The following CARMIL1 variants were observed in gnomAD, a reference collection of about 807,000 sequenced individuals.
CARMIL1 encodes the protein F-actin-uncapping protein LRRC16A.
A neutral mutation model predicts 177.1 loss-of-function variants in CARMIL1; 90 were observed. The ratio of observed to expected loss-of-function variants is 0.51; its 90% CI spans 0.43 to 0.61. CARMIL1 has a LOEUF of 0.61. Ranked by LOEUF, CARMIL1 falls within the 20% of genes least tolerant of loss-of-function variation. The pLI, the probability that CARMIL1 is intolerant of heterozygous loss-of-function variation, is 0.00. For missense variants in CARMIL1, 1,380 were observed against 1,667.0 expected (o/e 0.83, Z 3.00); for synonymous variants, 577 against 606.2 (o/e 0.95, Z 0.71).
intron 3 of CARMIL1, among the ~76,000 whole-genome samples, chr6:25,424,929 A>G (rs1796157083): frequency 6.6e-6 from 1 of 152,242 alleles, no homozygotes; most frequent in Non-Finnish European, 1.5e-5. Context: ...CTTAACTCAA[A>G]GAAAAACTTT....
intron 29 of CARMIL1, among the ~76,000 whole-genome samples, chr6:25,574,271 C>T (rs545493623): frequency 1.6e-4 from 25 of 152,272 alleles, no homozygotes; most frequent in Admixed American, 7.8e-4. Context: ...TTGGGACATT[C>T]CTAAGAAATT....
intron 2 of CARMIL1, among the ~76,000 whole-genome samples, chr6:25,344,838 T>G (rs1787326351): frequency 6.6e-6 from 1 of 152,210 alleles, no homozygotes; most frequent in Non-Finnish European, 1.5e-5. Context: ...CATTGCTGTA[T>G]GAAATTTTCC....
intron 2 of CARMIL1, among the ~76,000 whole-genome samples, chr6:25,309,225 G>T (rs115214550): frequency 0.024 from 3,591 of 152,008 alleles, 59 homozygotes; most frequent in Non-Finnish European, 0.038. Context: ...TGTAATTCAG[G>T]CTGGGTGTGG....
intron 2 of CARMIL1, among the ~76,000 whole-genome samples, chr6:25,418,373 G>C (rs1795545725): frequency 6.6e-6 from 1 of 152,006 alleles, no homozygotes; most frequent in Non-Finnish European, 1.5e-5. Context: ...TTATCGTCTT[G>C]AAATTCTTAA....
intron 2 of CARMIL1, among the ~76,000 whole-genome samples, chr6:25,305,489 C>T (rs1783190994): frequency 6.6e-6 from 1 of 152,188 alleles, no homozygotes; most frequent in South Asian, 2.1e-4. Flanking sequence ...CCTGTAAATA[C>T]TGTCATTGCA....
At chr6:25,310,811 C>T (rs995336661) in intron 2 of CARMIL1, among the ~76,000 whole-genome samples, 2 of 152,076 alleles carry the variant, frequency 1.3e-5, no homozygotes, top group Non-Finnish European at 2.9e-5. Context: ...TACCATAGGC[C>T]TAGATTGCAC....
At chr6:25,380,189 T>C (rs2150479916) in intron 2 of CARMIL1, among the ~76,000 whole-genome samples, 1 of 152,364 alleles carries the variant, frequency 6.6e-6, no homozygotes, top group South Asian at 2.1e-4. Flanking sequence ...TAAATAACTT[T>C]AGCTTAGTAA....
intron 2 of CARMIL1, among the ~76,000 whole-genome samples, chr6:25,386,662 T>C (rs183835211): frequency 4.5e-4 from 69 of 152,236 alleles, no homozygotes; most frequent in African/African-American, 1.7e-3. Context: ...ACCCACTTCA[T>C]AGGGTTGTCA....
At chr6:25,494,356 A>G (rs989270830) in intron 15 of CARMIL1, among the ~76,000 whole-genome samples, 9 of 152,118 alleles carry the variant, frequency 5.9e-5, no homozygotes, top group African/African-American at 1.7e-4. Flanking sequence ...CATCATTTCT[A>G]TCAGATAGAA....
chr6:25,596,962 CTGT>C (rs1814916070), intron 32 of CARMIL1, among the ~76,000 whole-genome samples: 1 of 148,084 alleles, frequency 6.8e-6, no homozygotes, highest in Non-Finnish European at 1.5e-5. Flanking sequence ...TGTCTGTTTT[CTGT>C]TGTTATAACA....
chr6:25,606,394 G>A, intron 35 of CARMIL1, 121 bp downstream of exon 35: 1 of 830,622 alleles, frequency 1.2e-6, no homozygotes, highest in African/African-American at 1.7e-5. Flanking sequence ...GCTTCTGCAG[G>A]AGGGGATCAC....
rs1780896700 is a variant in CARMIL1 at position 25,279,515 on chromosome 6, C to T, written c.-281C>T. 1 of 515,124 alleles carries T rather than the reference C, an allele frequency of 1.9e-6. No homozygotes were observed. The highest frequency in any genetic ancestry group is 3.5e-6 in the Non-Finnish European group (1 of 285,290). 31.9% of individuals were successfully genotyped at this position (515,124 alleles called of 1,614,324 possible). Reference sequence around the variant, plus strand: ...CGCCACAGCCGCCCCGCGCCCCGCGCCCGCTTGTAATCCGGTCCGCTCCTT... The same window carrying T: ...CGCCACAGCCGCCCCGCGCCCCGCGTCCGCTTGTAATCCGGTCCGCTCCTT... On this transcript the variant is annotated 5_prime_UTR_variant, in exon 1 of 37. Coordinates refer to ENST00000329474, the MANE Select transcript of CARMIL1 (RefSeq NM_017640.6).
intron 26 of CARMIL1, among the ~76,000 whole-genome samples, chr6:25,547,061 A>G (rs1454150880): frequency 6.6e-6 from 1 of 152,144 alleles, no homozygotes; most frequent in Non-Finnish European, 1.5e-5. Flanking sequence ...CCATCTCAGA[A>G]TATTAATAAT....
chr6:25,492,505 A>T (rs949260448), intron 15 of CARMIL1, among the ~76,000 whole-genome samples: 3 of 152,222 alleles, frequency 2.0e-5, no homozygotes, highest in Admixed American at 2.0e-4. Flanking sequence ...GATTAGAAGC[A>T]TCAAGGATTC....
At chr6:25,482,177 AT>A in intron 11 of CARMIL1, 79 bp from the exon 12 acceptor site, 1 of 709,650 alleles carries the variant, frequency 1.4e-6, no homozygotes, top group Non-Finnish European at 2.5e-6. Flanking sequence ...CAGAATCAAA[AT>A]TAAGTTAATT....
chr6:25,496,179 T>G (rs763570794), intron 16 of CARMIL1, among the ~76,000 whole-genome samples: 12 of 152,128 alleles, frequency 7.9e-5, no homozygotes, highest in Non-Finnish European at 1.8e-4. Flanking sequence ...ATGGATGCCT[T>G]TAAAAAAGTA....
At chr6:25,510,465 A>T in intron 18 of CARMIL1, 42 bp from the exon 19 acceptor site, 5 of 1,161,978 alleles carry the variant, frequency 4.3e-6, no homozygotes, top group Non-Finnish European at 6.1e-6. Flanking sequence ...ATTAATTTAT[A>T]CACATGTGTT....
chr6:25,339,792 CA>C (rs1182942460), intron 2 of CARMIL1, among the ~76,000 whole-genome samples: 6 of 152,178 alleles, frequency 3.9e-5, no homozygotes, highest in African/African-American at 1.4e-4. Context: ...TGACCTTGGG[CA>C]AGTTACTTAC....
At chr6:25,495,448 T>C (rs946332034) in intron 16 of CARMIL1, among the ~76,000 whole-genome samples, 7 of 152,062 alleles carry the variant, frequency 4.6e-5, no homozygotes, top group African/African-American at 1.4e-4. Flanking sequence ...TTGGCAGGAG[T>C]CACTGATCTA....
Sources: allele counts gnomAD v4.1 joint callset (sites outside exome capture counted in the v4.1 genomes callset), GRCh38; gene constraint gnomAD v4.1.1; transcripts MANE v1.5; gene names NCBI Gene and HGNC (gene_info 2026-07-23, HGNC 2026-07-21).